AGO1: variants seen among roughly 807,000 people sequenced by gnomAD.
The protein encoded by AGO1 is argonaute RISC component 1.
A neutral mutation model predicts 109.2 loss-of-function variants in AGO1; 11 were observed. The observed-to-expected ratio is 0.10, with a 90% CI of 0.06 to 0.17. AGO1 has a LOEUF of 0.17. AGO1 is among the 10% of genes least tolerant of loss of function. The probability of loss-of-function intolerance (pLI) is 1.00; values close to 1 mark genes in which losing one functional copy is unlikely to be tolerated. For missense variants in AGO1, 574 were observed against 1,140.3 expected (o/e 0.50, Z 7.15); for synonymous variants, 422 against 418.6 (o/e 1.01, Z -0.10).
intron 15 of AGO1, among the ~76,000 whole-genome samples, chr1:35,915,830 G>A (rs1261810151): frequency 2.0e-5 from 3 of 152,168 alleles, no homozygotes; most frequent in East Asian, 1.9e-4. Flanking sequence ...CATTAAGATC[G>A]CCTGGAGGGC....
rs1350008581 is a variant in AGO1, at chr1:35,907,265, G to A, written c.1582+146G>A. On this transcript the variant is annotated intron_variant, in intron 12 of 18. Coordinates refer to ENST00000373204, the MANE Select transcript of AGO1 (RefSeq NM_012199.5). ...CAGTGCTCCTCTTATAGGAGAAATA[G>A]CATGCCTGAGCCATTGAGTTATCCC... 8 of 682,136 alleles carry A rather than the reference G, an allele frequency of 1.2e-5. No individual in the cohort carries two copies. In the East Asian group the frequency reaches 2.1e-4, roughly 18 times the overall value. The allele number at this position is 682,136 out of a possible 1,614,324, so 42.3% of individuals were successfully genotyped here. A position where few individuals can be genotyped will look rare whatever the true frequency, so the allele number is the denominator to read the frequency against.
chr1:35,900,364 A>G (rs1645392194), intron 8 of AGO1, among the ~76,000 whole-genome samples: 1 of 152,208 alleles, frequency 6.6e-6, no homozygotes, highest in Non-Finnish European at 1.5e-5. Context: ...GTGTTCCAGA[A>G]CTATACTCAG....
In AGO1 at chr1:35,917,574, C is replaced by T. The variant is rs780835269; in HGVS notation, c.2029-19C>T. ...AACTGTGTATTTCTTTGTTTCCCTC[C>T]CCATTTTTTTGTGCCTAGATACTCC... On this transcript the variant is annotated intron_variant, in intron 15 of 18. Transcript: ENST00000373204. 1 of 1,603,254 alleles carries T rather than the reference C, an allele frequency of 6.2e-7. No individual in the cohort carries two copies. Among genetic ancestry groups the T allele is most frequent in the Non-Finnish European group, 8.5e-7 (1 of 1,171,888 alleles).
At chr1:35,887,856 C>A (rs976651880) in intron 1 of AGO1, among the ~76,000 whole-genome samples, 4 of 152,108 alleles carry the variant, frequency 2.6e-5, no homozygotes, top group Non-Finnish European at 5.9e-5. Flanking sequence ...GTCCTTTGAG[C>A]CTTTTCTCCT....
rs775400690 is a variant in AGO1 at position 35,892,659 on chromosome 1, G to T, written c.312G>T (p.Leu104=). The change falls in exon 3 of 19, where the codon CTG becomes CTT. Residue 104 remains leucine, a synonymous_variant. Transcript: ENST00000373204. ...GKKNIYTVTA[L]PIGNERVDFE... ...AGAACATTTACACTGTCACAGCACT[G>T]CCCATTGGCAACGAACGGGTAAGGT... is the stretch of plus-strand genomic sequence containing the variant. The T allele has an allele frequency of 6.2e-7, 1 of 1,614,234 alleles. No homozygotes were observed. Among genetic ancestry groups the T allele is most frequent in the South Asian group, 1.1e-5 (1 of 91,090 alleles).
At chr1:35,902,146 C>T in intron 10 of AGO1, 58 bp from the exon 11 acceptor site, 1 of 1,591,106 alleles carries the variant, frequency 6.3e-7, no homozygotes, top group Admixed American at 1.7e-5. Context: ...GGCTTTTGCT[C>T]CCCTACCCAC....
chr1:35,916,082 A>G (rs1198839861), intron 15 of AGO1, among the ~76,000 whole-genome samples: 2 of 151,604 alleles, frequency 1.3e-5, no homozygotes, highest in Non-Finnish European at 2.9e-5. Context: ...ACCATTTAAT[A>G]GTATTATAAC....
Position 35,919,502 on chromosome 1 carries a change from A to T in AGO1, c.2469A>T (p.Gly823=). 6.2e-7 allele frequency: 1 copy of T among 1,613,062 alleles called. No homozygotes were observed. Among genetic ancestry groups the T allele is most frequent in the East Asian group, 2.2e-5 (1 of 44,850 alleles). Residue 823 remains glycine, a synonymous_variant, in exon 19 of 19, where the codon GGA becomes GGT. Transcript: ENST00000373204. This position sits in a 1 kb window ranked among gnomAD's most constrained non-coding sequence, Gnocchi z 6.6. ...YHLVDKEHDS[G]EGSHISGQSN... ...TCTTTCATTTTTTCCTTTTCAGTGG[A>T]GAGGGGAGCCACATATCGGGGCAGA... is the stretch of plus-strand genomic sequence containing the variant.
intron 1 of AGO1, among the ~76,000 whole-genome samples, chr1:35,877,696 A>G (rs1468321143): frequency 6.6e-6 from 1 of 152,120 alleles, no homozygotes; most frequent in Non-Finnish European, 1.5e-5. Context: ...ATAAAATATT[A>G]GTAATTTTTT....
At chr1:35,874,488 C>T (rs60927827) in intron 1 of AGO1, among the ~76,000 whole-genome samples, 3,328 of 152,212 alleles carry the variant, frequency 0.022, 108 homozygotes, top group African/African-American at 0.075. Context: ...TATGTGTATT[C>T]TAAATGCTCC....
At chr1:35,911,736 A>G (rs1238265011) in intron 12 of AGO1, among the ~76,000 whole-genome samples, 4 of 152,094 alleles carry the variant, frequency 2.6e-5, no homozygotes, top group Admixed American at 1.3e-4. Flanking sequence ...TCTTCCTGGT[A>G]CCTTAAATCA....
chr1:35,883,438 CG>C lies in AGO1; in HGVS notation c.20del (p.Gly7GlufsTer109). MEAGPSGAAAGAYLPP... is the reference protein window; with the variant it reads MEAGPXGAAAGAYLPP... ...GTATATGGGATGGAAGCGGGACCCT[CG>C]GGAGCAGGTAAGGGTCCCCAGGAGG... On this transcript the variant is annotated frameshift_variant, in exon 1 of 19. Coordinates refer to ENST00000373204, the MANE Select transcript of AGO1 (RefSeq NM_012199.5). LOFTEE classifies it high-confidence loss of function. This position sits in a 1 kb window ranked among gnomAD's most constrained non-coding sequence, Gnocchi z 5.4. The C allele has an allele frequency of 6.4e-7, 1 of 1,569,878 alleles. No homozygotes were observed. The highest frequency in any genetic ancestry group is 8.6e-7 in the Non-Finnish European group (1 of 1,161,450).
rs770982492 is a variant in AGO1 at position 35,892,596 on chromosome 1, G to A, written c.249G>A (p.Gln83=). ...VEYMVQHFKP[Q]IFGDRKPVYD... ...ACATGGTCCAGCATTTCAAGCCTCA[G>A]ATCTTTGGTGATCGCAAGCCTGTGT... Residue 83 remains glutamine (Q), a synonymous_variant, in exon 3 of 19, where the codon CAG becomes CAA. Transcript: ENST00000373204. The A allele has an allele frequency of 6.2e-6, 10 of 1,614,104 alleles. No homozygotes were observed. The highest frequency in any genetic ancestry group is 6.8e-6 in the Non-Finnish European group (8 of 1,180,050).
chr1:35,883,194 C>A (rs201028313), upstream of AGO1: 3 of 1,169,826 alleles, frequency 2.6e-6, no homozygotes, highest in African/African-American at 1.6e-5. This position sits in a 1 kb window ranked among gnomAD's most constrained non-coding sequence, Gnocchi z 5.4. Context: ...CTGGGCCCGG[C>A]GGTCGCGCCT....
At position 35,907,267 on chromosome 1, in the gene AGO1, A is replaced by G. The variant is rs374713258; in HGVS notation, c.1582+148A>G. ...GTGCTCCTCTTATAGGAGAAATAGC[A>G]TGCCTGAGCCATTGAGTTATCCCAG... is the stretch of plus-strand genomic sequence containing the variant. On this transcript the variant is annotated intron_variant, in intron 12 of 18. Transcript: ENST00000373204. 1.5e-4 allele frequency: 105 copies of G among 686,246 alleles called. 1 individual carries two copies. Among genetic ancestry groups the G allele is most frequent in the South Asian group, 1.1e-3 (38 of 33,356 alleles). The allele number at this position is 686,246 out of a possible 1,614,324, so 42.5% of individuals were successfully genotyped here.
In AGO1 at chr1:35,883,964, G is replaced by A. The variant is rs570471489; in HGVS notation, c.25+518G>A. ...GGGCGGTGGGTGGGGACCCAGTCCC[G>A]GGATTACCCCCCGTGGGTCTGGGGA... On this transcript the variant is annotated intron_variant, in intron 1 of 18. Coordinates refer to ENST00000373204, the MANE Select transcript of AGO1 (RefSeq NM_012199.5). This position sits in a 1 kb window ranked among gnomAD's most constrained non-coding sequence, Gnocchi z 5.4. Among the ~76,000 whole-genome samples the A allele has an allele frequency of 3.3e-5, 5 of 152,310 alleles. No individual in the cohort carries two copies. The highest frequency in any genetic ancestry group is 9.6e-5 in the African/African-American group (4 of 41,582).
chr1:35,929,430 C>T lies in AGO1; in HGVS notation c.*9823C>T, dbSNP rs3185860. The T allele has an allele frequency of 6.6e-6, 1 of 152,172 alleles. No individual in the cohort carries two copies. Among genetic ancestry groups the T allele is most frequent in the East Asian group, 1.9e-4 (1 of 5,198 alleles). The allele number at this position is 152,172 out of a possible 1,614,324, so 9.4% of individuals were successfully genotyped here. A position where few individuals can be genotyped will look rare whatever the true frequency, so the allele number is the denominator to read the frequency against. ...CAAAGGTTTATCACTGTCACCATGT[C>T]TAATGTCTATTCTGGAAGAAGCTGA... On this transcript the variant is annotated 3_prime_UTR_variant, in exon 19 of 19. Coordinates refer to ENST00000373204, the MANE Select transcript of AGO1 (RefSeq NM_012199.5).
At position 35,889,746 on chromosome 1, in the gene AGO1, A is replaced by G. The variant is rs1645183754; in HGVS notation, c.209+1136A>G. Among the ~76,000 whole-genome samples the G allele has an allele frequency of 7.3e-5, 11 of 151,664 alleles. 1 individual carries two copies. Among genetic ancestry groups the G allele is most frequent in the Admixed American group, 7.2e-4 (11 of 15,228 alleles). On this transcript the variant is annotated intron_variant, in intron 2 of 18. Transcript: ENST00000373204. Reference sequence around the variant, plus strand: ...CAGTGGCGCCATCTCAGATCACTGCACCCTCTGCCTCCTAGGTTCAGGCAA... The same window carrying G: ...CAGTGGCGCCATCTCAGATCACTGCGCCCTCTGCCTCCTAGGTTCAGGCAA...
At chr1:35,873,525 G>A (rs1385061301) in intron 1 of AGO1, 1 of 152,968 alleles carries the variant, frequency 6.5e-6, no homozygotes, top group East Asian at 1.9e-4. Context: ...ATAGCTATAA[G>A]CTTTTTACAA....
Sources: gnomAD v4.1 joint callset for allele counts (sites outside exome capture counted in the v4.1 genomes callset) on GRCh38, gnomAD v4.1.1 for gene constraint, Gnocchi (gnomAD v3.1) non-coding constraint, MANE v1.5 for transcripts, NCBI Gene and HGNC (gene_info 2026-07-23, HGNC 2026-07-21) for gene names.